Variants in TECTA observed in about 807,000 individuals in gnomAD.
The protein encoded by TECTA is tectorin alpha.
Under a neutral mutation model 216.8 loss-of-function variants are expected in TECTA, and 128 were observed. The ratio of observed to expected loss-of-function variants is 0.59; its 90% CI spans 0.51 to 0.68. TECTA has a LOEUF of 0.68. Among genes scored for constraint, TECTA ranks in the 30% least tolerant of loss-of-function variants. The pLI is 0.00. For synonymous variants in TECTA, 1,089 were observed against 1,117.1 expected (o/e 0.97, Z 0.50); for missense variants, 2,551 against 2,786.2 (o/e 0.92, Z 1.90).
intron 12 of TECTA, among the ~76,000 whole-genome samples, chr11:121,149,062 G>C (rs1946866148): frequency 6.6e-6 from 1 of 152,168 alleles, no homozygotes; most frequent in African/African-American, 2.4e-5. Flanking sequence ...TGGGATCTGG[G>C]GACTCATGCA....
intron 16 of TECTA, 55 bp from the exon 17 acceptor site, chr11:121,165,218 C>T (rs939175776): frequency 2.6e-5 from 40 of 1,510,272 alleles, no homozygotes; most frequent in Admixed American, 3.9e-5. Context: ...CAAAAGCTAC[C>T]GCATGTAGGT....
chr11:121,137,924 G>A lies in TECTA; in HGVS notation c.3445G>A (p.Asp1149Asn). 1 of 1,606,050 alleles carries A rather than the reference G, an allele frequency of 6.2e-7. No homozygotes were observed. The highest frequency in any genetic ancestry group is 8.5e-7 in the Non-Finnish European group (1 of 1,173,364). ...PKFVVTAKNE[D>N]RDPSLALWVK... ...GTTTGTTGTCACAGCCAAGAATGAGGACCGGGACCCGTCACTGGCCTTGTG... is the reference window on the plus strand; with the variant it reads ...GTTTGTTGTCACAGCCAAGAATGAGAACCGGGACCCGTCACTGGCCTTGTG... Residue 1149 changes from aspartate to asparagine, a missense_variant, in exon 11 of 24, where the codon GAC becomes AAC. Physicochemically the swap from Asp to Asn is conservative, Grantham distance 23. Coordinates refer to ENST00000392793, the MANE Select transcript of TECTA (RefSeq NM_005422.4).
intron 6 of TECTA, among the ~76,000 whole-genome samples, chr11:121,116,663 G>T (rs1272166694): frequency 1.3e-5 from 2 of 152,192 alleles, no homozygotes. Context: ...TTGGCCTGGG[G>T]TATAGCAGGG....
At chr11:121,183,707 C>A (rs1947254121) in intron 20 of TECTA, among the ~76,000 whole-genome samples, 3 of 152,164 alleles carry the variant, frequency 2.0e-5, no homozygotes, top group Non-Finnish European at 4.4e-5. Flanking sequence ...AGCCTGGCGA[C>A]AGAGCAAGAC....
intron 13 of TECTA, among the ~76,000 whole-genome samples, chr11:121,156,891 C>A (rs1234194563): frequency 2.0e-5 from 3 of 152,108 alleles, no homozygotes; most frequent in Non-Finnish European, 4.4e-5. Flanking sequence ...GGATACAGGA[C>A]TAGATTGAAA....
At chr11:121,101,609 T>A (rs1016343065) in intron 1 of TECTA, among the ~76,000 whole-genome samples, 167 bp downstream of exon 1, 2 of 152,228 alleles carry the variant, frequency 1.3e-5, no homozygotes, top group Non-Finnish European at 2.9e-5. Flanking sequence ...AACTGTCTAA[T>A]ATTTAATATG....
chr11:121,129,019 C>T (rs781647777), intron 9 of TECTA, among the ~76,000 whole-genome samples: 3 of 152,198 alleles, frequency 2.0e-5, no homozygotes, highest in Non-Finnish European at 4.4e-5. Flanking sequence ...AACGGGGATG[C>T]AACATGCATT....
chr11:121,181,314 G>A (rs1288605509), intron 20 of TECTA, among the ~76,000 whole-genome samples: 1 of 151,926 alleles, frequency 6.6e-6, no homozygotes, highest in Non-Finnish European at 1.5e-5. Context: ...CTCAGATCAT[G>A]AATTATTTTT....
intron 12 of TECTA, among the ~76,000 whole-genome samples, chr11:121,148,261 C>G (rs938251727): frequency 6.6e-6 from 1 of 152,190 alleles, no homozygotes; most frequent in African/African-American, 2.4e-5. Flanking sequence ...CCAGGGCCAA[C>G]AGGTAACTTA....
At chr11:121,178,045 G>C (rs1947186832) in intron 20 of TECTA, among the ~76,000 whole-genome samples, 1 of 152,214 alleles carries the variant, frequency 6.6e-6, no homozygotes, top group African/African-American at 2.4e-5. Flanking sequence ...CGCAGTATTG[G>C]GGTGGGAGTG....
At chr11:121,150,068 A>C (rs1946875192) in intron 12 of TECTA, among the ~76,000 whole-genome samples, 1 of 152,222 alleles carries the variant, frequency 6.6e-6, no homozygotes, top group South Asian at 2.1e-4. Flanking sequence ...AATGTATCGC[A>C]GACCTTCAGT....
chr11:121,133,522 C>G (rs773396561), intron 10 of TECTA, among the ~76,000 whole-genome samples: 13 of 152,156 alleles, frequency 8.5e-5, no homozygotes, highest in African/African-American at 2.7e-4. Flanking sequence ...TGTCGTGTCT[C>G]TTTAGTCTCC....
intron 7 of TECTA, among the ~76,000 whole-genome samples, chr11:121,120,101 G>T (rs149290808): frequency 2.0e-5 from 3 of 152,212 alleles, no homozygotes; most frequent in South Asian, 2.1e-4. Flanking sequence ...GAAAAAGAAG[G>T]CTTCATGCTT....
At chr11:121,162,477 A>AG in intron 16 of TECTA, 107 bp downstream of exon 16, 2 of 1,365,406 alleles carry the variant, frequency 1.5e-6, no homozygotes, top group Non-Finnish European at 2.0e-6. Context: ...AGATTTACTC[A>AG]TAGATCTGCT....
chr11:121,107,593 G>T (rs1262403794), intron 3 of TECTA, among the ~76,000 whole-genome samples: 1 of 152,166 alleles, frequency 6.6e-6, no homozygotes, highest in Non-Finnish European at 1.5e-5. Flanking sequence ...GAATGTATAG[G>T]AAAATTATCT....
rs1480902900 is a variant in TECTA at position 121,157,842 on chromosome 11, C to T, written c.4307C>T (p.Pro1436Leu). 6.2e-7 allele frequency: 1 copy of T among 1,613,924 alleles called. No individual in the cohort carries two copies. Among genetic ancestry groups the T allele is most frequent in the Admixed American group, 1.7e-5 (1 of 60,030 alleles). The change falls in exon 14 of 24, where the codon CCC (proline) becomes CTC (leucine). Residue 1436 changes from proline (P) to leucine (L), a missense_variant and splice_region_variant. Pro to Leu is a moderately conservative substitution (Grantham distance 98, BLOSUM62 -3). Transcript: ENST00000392793. ...GCYSDGKYYE[P>L]KQLFWNSDCT... ...ATGCAAACGGCGCCTCTCTTCCAGC[C>T]CAAGCAGCTATTTTGGAACAGCGAC... is the stretch of plus-strand genomic sequence containing the variant.
chr11:121,155,222 G>A (rs1313121646), intron 13 of TECTA, among the ~76,000 whole-genome samples: 2 of 152,176 alleles, frequency 1.3e-5, no homozygotes, highest in African/African-American at 2.4e-5. Flanking sequence ...AAGCAGCGTT[G>A]GGCCAGCCAT....
At chr11:121,149,143 G>A (rs1449199808) in intron 12 of TECTA, among the ~76,000 whole-genome samples, 1 of 152,236 alleles carries the variant, frequency 6.6e-6, no homozygotes, top group East Asian at 1.9e-4. Flanking sequence ...AGAAACTGAA[G>A]CTCAGAGAAA....
intron 6 of TECTA, among the ~76,000 whole-genome samples, chr11:121,114,069 C>A (rs539494791): frequency 4.6e-5 from 7 of 152,220 alleles, no homozygotes; most frequent in Non-Finnish European, 1.0e-4. Flanking sequence ...GCCATTTCCT[C>A]CCCCCGCCCT....
Sources: gnomAD v4.1 joint callset for allele counts (sites outside exome capture counted in the v4.1 genomes callset) on GRCh38, gnomAD v4.1.1 for gene constraint, MANE v1.5 for transcripts, NCBI Gene and HGNC (gene_info 2026-07-23, HGNC 2026-07-21) for gene names.